The following P4HA1 variants were observed in gnomAD, a reference collection of about 807,000 sequenced individuals.
P4HA1 encodes the protein prolyl 4-hydroxylase subunit alpha-1.
Under a neutral mutation model 72.8 loss-of-function variants are expected in P4HA1, and 24 were observed. The ratio of observed to expected loss-of-function variants is 0.33; its 90% CI spans 0.24 to 0.46. The LOEUF (loss-of-function observed/expected upper bound fraction) is 0.46, where lower values mean the gene tolerates loss of function less well. P4HA1 is among the 20% of genes least tolerant of loss of function. The pLI is 1.00. For missense variants in P4HA1, 446 were observed against 640.6 expected (o/e 0.70, Z 3.28); for synonymous variants, 201 against 218.8 (o/e 0.92, Z 0.72).
At chr10:73,056,117 T>C (rs1841142773) in intron 5 of P4HA1, among the ~76,000 whole-genome samples, 1 of 152,216 alleles carries the variant, frequency 6.6e-6, no homozygotes, top group Non-Finnish European at 1.5e-5. Context: ...TTCAGTTATT[T>C]CATTGAGATT....
chr10:73,095,770 G>C lies in P4HA1; in HGVS notation c.-33+996C>G, dbSNP rs992956404. Among the ~76,000 whole-genome samples the C allele has an allele frequency of 3.9e-5, 6 of 152,148 alleles. No homozygotes were observed. In the East Asian group the frequency reaches 1.2e-3, roughly 29 times the overall value. ...TCAACCCTTTCTTAAAGAAAACAGT[G>C]CAAAATTCCAAGAGTCTTCACTCTA... On this transcript the variant is annotated intron_variant, in intron 1 of 14. Coordinates refer to ENST00000394890, the MANE Select transcript of P4HA1 (RefSeq NM_001017962.3).
chr10:73,043,069 A>AG (rs1840774009), intron 9 of P4HA1, among the ~76,000 whole-genome samples: 1 of 152,182 alleles, frequency 6.6e-6, no homozygotes, highest in Non-Finnish European at 1.5e-5. Context: ...AAGACCTATA[A>AG]AAAGGCTGTG....
At chr10:73,045,794 GAATT>G (rs1397685350) in intron 8 of P4HA1, among the ~76,000 whole-genome samples, 1 of 148,076 alleles carries the variant, frequency 6.8e-6, no homozygotes, top group Non-Finnish European at 1.5e-5. Flanking sequence ...AAGTTGAAAT[GAATT>G]AATTACCTTG....
intron 13 of P4HA1, among the ~76,000 whole-genome samples, 192 bp downstream of exon 13, chr10:73,010,777 G>A (rs1839896192): frequency 6.6e-6 from 1 of 152,076 alleles, no homozygotes; most frequent in African/African-American, 2.4e-5. Context: ...GCTGAGGCTT[G>A]AACCCAGGAG....
chr10:73,012,473 T>C (rs1464296085), intron 12 of P4HA1, among the ~76,000 whole-genome samples: 1 of 152,190 alleles, frequency 6.6e-6, no homozygotes, highest in African/African-American at 2.4e-5. Flanking sequence ...GGTTTTCCCT[T>C]TGTGGTATTT....
intron 1 of P4HA1, among the ~76,000 whole-genome samples, chr10:73,093,253 T>C (rs1292208494): frequency 6.6e-6 from 1 of 152,098 alleles, no homozygotes; most frequent in South Asian, 2.1e-4. Context: ...AGGCCCAATA[T>C]AGAACTCATT....
chr10:73,025,790 A>C, intron 10 of P4HA1, among the ~76,000 whole-genome samples: 1 of 152,210 alleles, frequency 6.6e-6, no homozygotes. Flanking sequence ...TCAATGTGCA[A>C]AAATCACAAG....
chr10:73,062,238 G>C (rs981780699), intron 5 of P4HA1, among the ~76,000 whole-genome samples: 3 of 152,040 alleles, frequency 2.0e-5, no homozygotes, highest in African/African-American at 7.2e-5. Context: ...CTTTATTTTT[G>C]TGTATGTGTG....
intron 9 of P4HA1, among the ~76,000 whole-genome samples, chr10:73,035,907 G>A (rs945861160): frequency 3.3e-5 from 5 of 151,844 alleles, no homozygotes; most frequent in Non-Finnish European, 5.9e-5. Context: ...AACATATCTC[G>A]GCCAGGCGCA....
At chr10:73,011,133 A>G (rs1839902578) in intron 12 of P4HA1, 96 bp from the exon 13 acceptor site, 2 of 918,542 alleles carry the variant, frequency 2.2e-6, no homozygotes. Context: ...AATATTGGGA[A>G]CATATGGACT....
At chr10:73,040,447 AAC>A (rs1400520395) in intron 9 of P4HA1, among the ~76,000 whole-genome samples, 4 of 151,926 alleles carry the variant, frequency 2.6e-5, no homozygotes, top group South Asian at 2.1e-4. Context: ...TCCAAAAACA[AAC>A]AGTCTTCCAA....
At chr10:73,044,083 G>T in intron 9 of P4HA1, 1 of 533,410 alleles carries the variant, frequency 1.9e-6, no homozygotes. Flanking sequence ...GGTGGGTAAT[G>T]GTCTCGAATC....
intron 10 of P4HA1, among the ~76,000 whole-genome samples, chr10:73,023,395 T>C (rs996490659): frequency 6.6e-6 from 1 of 152,182 alleles, no homozygotes; most frequent in Non-Finnish European, 1.5e-5. Context: ...CCAGCCAAAC[T>C]AAGCTTTCTA....
In P4HA1 at chr10:73,008,045, C is replaced by T. The variant is rs760409493; in HGVS notation, c.*177G>A. ...TATGCAATATGATGATTTCGTGTTA[C>T]TTTTAAAAGAACCCACAAAGTAAGC... On this transcript the variant is annotated 3_prime_UTR_variant, in exon 15 of 15. Coordinates refer to ENST00000394890, the MANE Select transcript of P4HA1 (RefSeq NM_001017962.3). 5 of 355,020 alleles carry T rather than the reference C, an allele frequency of 1.4e-5. No homozygotes were observed. The East Asian group carries it at 1.6e-4, about 12-fold the overall frequency. The allele number at this position is 355,020 out of a possible 1,614,324, so 22.0% of individuals were successfully genotyped here.
intron 1 of P4HA1, among the ~76,000 whole-genome samples, chr10:73,092,536 T>G (rs982530540): frequency 3.4e-5 from 5 of 146,036 alleles, no homozygotes; most frequent in Admixed American, 3.4e-4. Flanking sequence ...AAATTTTTTT[T>G]GTAGAGAGAT....
At chr10:73,017,055 CAG>C (rs1258506814) in intron 10 of P4HA1, among the ~76,000 whole-genome samples, 156 bp from the exon 11 acceptor site, 10 of 151,610 alleles carry the variant, frequency 6.6e-5, no homozygotes, top group Non-Finnish European at 1.2e-4. Context: ...CCTATGAAAA[CAG>C]GGATGAAAAA....
At chr10:73,067,996 T>A (rs1293557198) in intron 5 of P4HA1, among the ~76,000 whole-genome samples, 1 of 152,234 alleles carries the variant, frequency 6.6e-6, no homozygotes, top group Non-Finnish European at 1.5e-5. Flanking sequence ...AAAATAAGGT[T>A]ATAATCTTAT....
chr10:73,078,724 G>A (rs1324109998), intron 1 of P4HA1, among the ~76,000 whole-genome samples: 1 of 144,890 alleles, frequency 6.9e-6, no homozygotes, highest in East Asian at 2.0e-4. Context: ...CGATTCTCCT[G>A]CTTCAGCCTC....
intron 2 of P4HA1, among the ~76,000 whole-genome samples, chr10:73,074,308 A>G (rs1020130899): frequency 6.6e-6 from 1 of 152,128 alleles, no homozygotes; most frequent in African/African-American, 2.4e-5. Context: ...ACTGGAATCA[A>G]GAGTCATAAG....
Sources: allele counts gnomAD v4.1 joint callset (sites outside exome capture counted in the v4.1 genomes callset), GRCh38; gene constraint gnomAD v4.1.1; transcripts MANE v1.5; gene names NCBI Gene and HGNC (gene_info 2026-07-23, HGNC 2026-07-21).